The following DSE variants were observed in gnomAD, a reference collection of about 807,000 sequenced individuals.
DSE encodes the protein dermatan sulfate epimerase, also known as dermatan-sulfate epimerase.
In DSE, 36 loss-of-function variants were observed where a neutral mutation model predicts 84.4. The ratio of observed to expected loss-of-function variants is 0.43; its 90% CI spans 0.33 to 0.56. DSE has a LOEUF of 0.56. Among genes scored for constraint, DSE ranks in the 20% least tolerant of loss-of-function variants. The probability of loss-of-function intolerance (pLI) is 0.06; values close to 1 mark genes in which losing one functional copy is unlikely to be tolerated. For synonymous variants in DSE, 410 were observed against 430.1 expected (o/e 0.95, Z 0.58); for missense variants, 862 against 1,169.6 (o/e 0.74, Z 3.84).
intron 1 of DSE, among the ~76,000 whole-genome samples, chr6:116,397,919 T>C (rs765362215): frequency 6.6e-6 from 1 of 152,228 alleles, no homozygotes; most frequent in Non-Finnish European, 1.5e-5. Context: ...TGCCTTTTTC[T>C]TGGAAACACA....
intron 1 of DSE, among the ~76,000 whole-genome samples, chr6:116,380,829 A>C (rs757027073): frequency 6.6e-6 from 1 of 152,182 alleles, no homozygotes. Flanking sequence ...CACATAACTC[A>C]GTATGCACAT....
chr6:116,373,278 T>C (rs1272331777), intron 1 of DSE, among the ~76,000 whole-genome samples: 1 of 152,130 alleles, frequency 6.6e-6, no homozygotes, highest in Non-Finnish European at 1.5e-5. Context: ...CAGAAGAATC[T>C]TTTGAACCCA....
intron 2 of DSE, among the ~76,000 whole-genome samples, chr6:116,306,678 C>T (rs1182617615): frequency 1.3e-5 from 2 of 152,112 alleles, no homozygotes; most frequent in African/African-American, 4.8e-5. Context: ...TTTTTGTGAA[C>T]TGAATGTTGT....
At chr6:116,399,976 T>G (rs967487796) in intron 2 of DSE, 22 of 293,110 alleles carry the variant, frequency 7.5e-5, no homozygotes, top group Middle Eastern at 1.0e-3. Flanking sequence ...TCAGCATGTA[T>G]ATATTACTAT....
At chr6:116,258,840 G>A (rs1402216637) in exon 2 of DSE, 5 of 1,608,130 alleles carry the variant, frequency 3.1e-6, no homozygotes, top group East Asian at 2.2e-5. Flanking sequence ...CATGCTTGAC[G>A]ATGCACACAG....
intron 2 of DSE, among the ~76,000 whole-genome samples, chr6:116,320,197 A>G (rs1776217818): frequency 2.0e-5 from 3 of 152,294 alleles, no homozygotes; most frequent in African/African-American, 7.2e-5. Context: ...AAAGGGACCA[A>G]TACCAGGATT....
intron 2 of DSE, among the ~76,000 whole-genome samples, chr6:116,311,488 G>A (rs1775692056): frequency 6.6e-6 from 1 of 152,134 alleles, no homozygotes; most frequent in African/African-American, 2.4e-5. Context: ...TGTGTGTAAC[G>A]TTTTGCTTGT....
rs1157230249 is a variant in DSE, at chr6:116,429,919, T to TC, written c.671-1032dup. The stretch of plus-strand genomic sequence containing the variant: ...GTGAGCCGAGATTGCGCCACTGCAC[T>TC]CCCGTCTGGGCCACAGAGCGAGACT... On this transcript the variant is annotated intron_variant, in intron 3 of 5. Transcript: ENST00000644252. Among the ~76,000 whole-genome samples, 5 of 12,178 alleles carry TC rather than the reference T, an allele frequency of 4.1e-4. 1 individual carries two copies. Among genetic ancestry groups the TC allele is most frequent in the East Asian group, 3.3e-3 (5 of 1,510 alleles). The allele number at this position is 12,178 out of a possible 152,430, so 8.0% of individuals were successfully genotyped here.
At chr6:116,384,054 A>G (rs1307563036) in intron 1 of DSE, among the ~76,000 whole-genome samples, 1 of 152,262 alleles carries the variant, frequency 6.6e-6, no homozygotes, top group East Asian at 1.9e-4. Context: ...ATTTACAAAT[A>G]GTAACACTAA....
intron 2 of DSE, among the ~76,000 whole-genome samples, chr6:116,260,762 T>C (rs896854251): frequency 6.6e-6 from 1 of 152,230 alleles, no homozygotes; most frequent in Non-Finnish European, 1.5e-5. Flanking sequence ...TTGTTTGTTT[T>C]TGTCAGGTTT....
intron 2 of DSE, among the ~76,000 whole-genome samples, chr6:116,404,048 G>A (rs74442759): frequency 0.01 from 1,594 of 152,224 alleles, 33 homozygotes; most frequent in African/African-American, 0.036. Flanking sequence ...TTAATCCTTT[G>A]GTAGAATTTT....
chr6:116,378,994 TA>T (rs938183366), intron 1 of DSE, among the ~76,000 whole-genome samples: 1 of 152,184 alleles, frequency 6.6e-6, no homozygotes. Context: ...TTGCAGTGTT[TA>T]TGGTTAAAAA....
intron 2 of DSE, among the ~76,000 whole-genome samples, chr6:116,304,252 T>C (rs530502456): frequency 6.6e-6 from 1 of 152,350 alleles, no homozygotes; most frequent in South Asian, 2.1e-4. Flanking sequence ...ACTCACATTT[T>C]CATGAGCAAA....
intron 2 of DSE, among the ~76,000 whole-genome samples, chr6:116,296,661 G>C (rs1774684996): frequency 6.6e-6 from 1 of 152,104 alleles, no homozygotes; most frequent in South Asian, 2.1e-4. Flanking sequence ...CCCTGAGACA[G>C]GTTTAGTTAA....
chr6:116,355,621 T>C (rs1449224049), intron 2 of DSE: 1 of 152,180 alleles, frequency 6.6e-6, no homozygotes, highest in Non-Finnish European at 1.5e-5. Context: ...AATAAAAGCA[T>C]TATGGGACTG....
Position 116,436,827 on chromosome 6 carries a change from G to A in DSE, c.2359G>A (p.Glu787Lys), listed in dbSNP as rs748671649. ...GAGATTTTCAGATAAGAGACAGACTGAGGAGGCCATTGACAGGATTTTTGC... is the reference window on the plus strand; with the variant it reads ...GAGATTTTCAGATAAGAGACAGACTAAGGAGGCCATTGACAGGATTTTTGC... ...LLRFSDKRQT[E>K]EAIDRIFAIS... is the part of the protein sequence containing the mutation. Residue 787 changes from glutamate (E) to lysine (K), a missense_variant, in exon 6 of 6, where the codon GAG becomes AAG. Transcript: ENST00000644252. The A allele has an allele frequency of 1.2e-6, 2 of 1,614,042 alleles. No homozygotes were observed. Among genetic ancestry groups the A allele is most frequent in the African/African-American group, 1.3e-5 (1 of 74,932 alleles).
intron 2 of DSE, among the ~76,000 whole-genome samples, chr6:116,299,551 T>TATATATACACAC (rs1554209343): frequency 7.5e-5 from 4 of 53,676 alleles, no homozygotes; most frequent in Non-Finnish European, 1.2e-4. Context: ...TATATATATA[T>TATATATACACAC]ACACATACAC....
chr6:116,301,296 A>G (rs1377564700), intron 2 of DSE, among the ~76,000 whole-genome samples: 1 of 152,138 alleles, frequency 6.6e-6, no homozygotes, highest in East Asian at 1.9e-4. Flanking sequence ...CCATCTGGAA[A>G]GAGTTTTGTT....
chr6:116,319,124 AT>A (rs1339144594), intron 2 of DSE, among the ~76,000 whole-genome samples: 3 of 152,148 alleles, frequency 2.0e-5, no homozygotes, highest in Non-Finnish European at 2.9e-5. Flanking sequence ...CTATCCATTT[AT>A]TTTCAAGATG....
Sources: gnomAD v4.1 joint callset for allele counts (sites outside exome capture counted in the v4.1 genomes callset) on GRCh38, gnomAD v4.1.1 for gene constraint, MANE v1.5 for transcripts, NCBI Gene and HGNC (gene_info 2026-07-23, HGNC 2026-07-21) for gene names.